Variants in RXFP4 observed in about 807,000 individuals in gnomAD.
RXFP4 encodes relaxin-3 receptor 2.
For missense variants in RXFP4, 425 were observed against 491.3 expected (o/e 0.87, Z 1.28); for synonymous variants, 182 against 218.0 (o/e 0.83, Z 1.45).
In RXFP4 at chr1:155,941,885, C is replaced by T. The variant is rs200985925; in HGVS notation, c.176C>T (p.Ala59Val). 6 of 1,614,034 alleles carry T rather than the reference C, an allele frequency of 3.7e-6. No individual in the cohort carries two copies. The highest frequency in any genetic ancestry group is 1.3e-5 in the African/African-American group (1 of 74,918). Residue 59 changes from alanine to valine, a missense_variant, in exon 1 of 1, where the codon GCG (alanine) becomes GTG (valine). Coordinates refer to ENST00000368318, the MANE Select transcript of RXFP4 (RefSeq NM_181885.3). ...VGAIGLLGNL[A>V]VLWVLSNCAR... ...GCCATTGGCTTGCTGGGAAATTTGG[C>T]GGTGCTGTGGGTACTGAGTAACTGT...
In RXFP4 at chr1:155,942,493, A is replaced by C; in HGVS notation, c.784A>C (p.Asn262His). The change falls in exon 1 of 1, where the codon AAC becomes CAC. Residue 262 changes from asparagine (N) to histidine (H), a missense_variant. Transcript: ENST00000368318. This position sits in a 1 kb window ranked among gnomAD's most constrained non-coding sequence, Gnocchi z 5.2. Reference protein sequence around the residue: ...VASFFLCWFPNHVVTLWGVLV... With the variant: ...VASFFLCWFPHHVVTLWGVLV... ...TTCCTTCTTCCTCTGCTGGTTTCCCAACCATGTGGTCACTCTCTGGGGTGT... is the reference window on the plus strand; with the variant it reads ...TTCCTTCTTCCTCTGCTGGTTTCCCCACCATGTGGTCACTCTCTGGGGTGT... 6.2e-7 allele frequency: 1 copy of C among 1,610,990 alleles called. No homozygotes were observed. Among genetic ancestry groups the C allele is most frequent in the Non-Finnish European group, 8.5e-7 (1 of 1,177,912 alleles).
chr1:155,942,554 CT>C lies in RXFP4; in HGVS notation c.848del (p.Phe283SerfsTer30). 6.2e-7 allele frequency: 1 copy of C among 1,614,212 alleles called. No individual in the cohort carries two copies. The highest frequency in any genetic ancestry group is 8.5e-7 in the Non-Finnish European group (1 of 1,180,016). On this transcript the variant is annotated frameshift_variant, in exon 1 of 1. Coordinates refer to ENST00000368318, the MANE Select transcript of RXFP4 (RefSeq NM_181885.3). LOFTEE classifies it low-confidence loss of function (END_TRUNC). This position sits in a 1 kb window ranked among gnomAD's most constrained non-coding sequence, Gnocchi z 5.2. ...TTTGACCTGGTGCCCTGGAACAGTA[CT>C]TTCTATACTATCCAGACGTATGTCT... ...VKFDLVPWNS[T>X]FYTIQTYVFP...
Position 155,942,847 on chromosome 1 carries a change from G to A in RXFP4, c.*13G>A. 1 of 1,496,696 alleles carries A rather than the reference G, an allele frequency of 6.7e-7. No homozygotes were observed. The highest frequency in any genetic ancestry group is 8.9e-7 in the Non-Finnish European group (1 of 1,129,714). 92.7% of individuals were successfully genotyped at this position (1,496,696 alleles called of 1,614,324 possible). On this transcript the variant is annotated 3_prime_UTR_variant, in exon 1 of 1. Transcript: ENST00000368318. The surrounding 1 kb of genome is among the most constrained non-coding windows in gnomAD (Gnocchi z 5.2). ...GACACCCGGGTGAAGGGCGCAAGCT[G>A]AACACACTCCTCTTTCTGAGATCCA... is the stretch of plus-strand genomic sequence containing the variant.
chr1:155,942,336 G>A lies in RXFP4; in HGVS notation c.627G>A (p.Val209=), dbSNP rs898974185. The stretch of plus-strand genomic sequence containing the variant: ...TGGGGGCCTACCAGCTGCAGAGGGT[G>A]GTGCTGGCTTTCATGGTGCCCTTGG... ...YWLGAYQLQR[V]VLAFMVPLGV... Residue 209 remains valine (V), a synonymous_variant, in exon 1 of 1, where the codon GTG becomes GTA. Coordinates refer to ENST00000368318, the MANE Select transcript of RXFP4 (RefSeq NM_181885.3). The surrounding 1 kb of genome is among the most constrained non-coding windows in gnomAD (Gnocchi z 5.2). The A allele has an allele frequency of 2.6e-6, 4 of 1,563,980 alleles. No individual in the cohort carries two copies. In the African/African-American group the frequency reaches 4.1e-5, roughly 16 times the overall value.
At position 155,942,910 on chromosome 1, in the gene RXFP4, CCT is replaced by C. The variant is rs1674343162; in HGVS notation, c.*81_*82del. 7.3e-7 allele frequency: 1 copy of C among 1,378,818 alleles called. No homozygotes were observed. The highest frequency in any genetic ancestry group is 9.6e-7 in the Non-Finnish European group (1 of 1,046,368). 85.4% of individuals were successfully genotyped at this position (1,378,818 alleles called of 1,614,324 possible). ...TCCTTGAGTCCTGGGGAGAAGCTGC[CCT>C]CTCTGCCAGGCTGCAGTGCCCTCAG... On this transcript the variant is annotated 3_prime_UTR_variant, in exon 1 of 1. Coordinates refer to ENST00000368318, the MANE Select transcript of RXFP4 (RefSeq NM_181885.3). This position sits in a 1 kb window ranked among gnomAD's most constrained non-coding sequence, Gnocchi z 5.2.
rs1375686128 is a variant in RXFP4 at position 155,942,815 on chromosome 1, A to C, written c.1106A>C (p.Asp369Ala). 1 of 1,516,976 alleles carries C rather than the reference A, an allele frequency of 6.6e-7. No homozygotes were observed. Among genetic ancestry groups the C allele is most frequent in the East Asian group, 2.3e-5 (1 of 44,076 alleles). The allele number at this position is 1,516,976 out of a possible 1,614,324, so 94.0% of individuals were successfully genotyped here. The change falls in exon 1 of 1, where the codon GAC becomes GCC. Residue 369 changes from aspartate to alanine, a missense_variant. Asp to Ala is a moderately radical substitution (Grantham distance 126). Transcript: ENST00000368318. The surrounding 1 kb of genome is among the most constrained non-coding windows in gnomAD (Gnocchi z 5.2). ...CCTTCTACCCTGCTCACCAACCTGGACAGAGGGACACCCGGGTGAAGGGCG... is the reference window on the plus strand; with the variant it reads ...CCTTCTACCCTGCTCACCAACCTGGCCAGAGGGACACCCGGGTGAAGGGCG... ...SRPSTLLTNL[D>A]RGTPG
rs556908637 is a variant in RXFP4 at position 155,942,421 on chromosome 1, C to T, written c.712C>T (p.Arg238Trp). The T allele has an allele frequency of 4.5e-6, 7 of 1,556,446 alleles. No homozygotes were observed. The highest frequency in any genetic ancestry group is 4.1e-5 in the African/African-American group (3 of 73,666). The change falls in exon 1 of 1, where the codon CGG (arginine) becomes TGG (tryptophan). Residue 238 changes from arginine (R) to tryptophan (W), a missense_variant. Physicochemically the swap from Arg to Trp is moderately radical, Grantham distance 101 (BLOSUM62 -3). Coordinates refer to ENST00000368318, the MANE Select transcript of RXFP4 (RefSeq NM_181885.3). This position sits in a 1 kb window ranked among gnomAD's most constrained non-coding sequence, Gnocchi z 5.2. Reference protein sequence around the residue: ...LAFLQRRQRRRQDSRVVARSV... With the variant: ...LAFLQRRQRRWQDSRVVARSV... Reference sequence around the variant, plus strand: ...CTTCCTGCAGCGGCGGCAACGGCGGCGGCAGGACAGCAGGGTCGTGGCCCG... The same window carrying T: ...CTTCCTGCAGCGGCGGCAACGGCGGTGGCAGGACAGCAGGGTCGTGGCCCG...
At position 155,942,787 on chromosome 1, in the gene RXFP4, C is replaced by G; in HGVS notation, c.1078C>G (p.Arg360Gly). ...RWVASNPRES[R>G]PSTLLTNLDR... ...GGTCGCAAGCAACCCCCGGGAGAGC[C>G]GCCCTTCTACCCTGCTCACCAACCT... Residue 360 changes from arginine (R) to glycine (G), a missense_variant, in exon 1 of 1, where the codon CGC becomes GGC. Coordinates refer to ENST00000368318, the MANE Select transcript of RXFP4 (RefSeq NM_181885.3). This position sits in a 1 kb window ranked among gnomAD's most constrained non-coding sequence, Gnocchi z 5.2. 6.4e-7 allele frequency: 1 copy of G among 1,558,986 alleles called. No individual in the cohort carries two copies. The highest frequency in any genetic ancestry group is 1.8e-5 in the Admixed American group (1 of 56,998).
In RXFP4 at chr1:155,942,862, T is replaced by C; in HGVS notation, c.*28T>C. The C allele has an allele frequency of 1.3e-6, 2 of 1,490,012 alleles. No individual in the cohort carries two copies. Among genetic ancestry groups the C allele is most frequent in the East Asian group, 2.3e-5 (1 of 43,456 alleles). The allele number at this position is 1,490,012 out of a possible 1,614,324, so 92.3% of individuals were successfully genotyped here. A position where few individuals can be genotyped will look rare whatever the true frequency, so the allele number is the denominator to read the frequency against. On this transcript the variant is annotated 3_prime_UTR_variant, in exon 1 of 1. Transcript: ENST00000368318. This position sits in a 1 kb window ranked among gnomAD's most constrained non-coding sequence, Gnocchi z 5.2. ...GGCGCAAGCTGAACACACTCCTCTT[T>C]CTGAGATCCACCAAGTGTAGGATCC...
At position 155,942,654 on chromosome 1, in the gene RXFP4, G is replaced by T; in HGVS notation, c.945G>T (p.Glu315Asp). The T allele has an allele frequency of 6.2e-7, 1 of 1,613,950 alleles. No individual in the cohort carries two copies. The highest frequency in any genetic ancestry group is 8.5e-7 in the Non-Finnish European group (1 of 1,179,992). The change falls in exon 1 of 1, where the codon GAG becomes GAT. Residue 315 changes from glutamate (E) to aspartate (D), a missense_variant. By Grantham distance (45) the Glu-to-Asp change is conservative. Coordinates refer to ENST00000368318, the MANE Select transcript of RXFP4 (RefSeq NM_181885.3). This position sits in a 1 kb window ranked among gnomAD's most constrained non-coding sequence, Gnocchi z 5.2. ...TGCTGTACTGTCTCCTGAGGCGGGA[G>T]CCCCGGCAGGCTCTGGCAGGCACCT... ...NPVLYCLLRR[E>D]PRQALAGTFR...
rs146210789 is a variant in RXFP4 at position 155,942,127 on chromosome 1, T to C, written c.418T>C (p.Tyr140His). ...FLITALSVAR[Y>H]WVVAMAAGPG... ...CATCACAGCGCTGAGCGTTGCTCGC[T>C]ACTGGGTGGTGGCCATGGCTGCGGG... Residue 140 changes from tyrosine to histidine, a missense_variant, in exon 1 of 1, where the codon TAC becomes CAC. Physicochemically the swap from Tyr to His is moderately conservative, Grantham distance 83. Transcript: ENST00000368318. The surrounding 1 kb of genome is among the most constrained non-coding windows in gnomAD (Gnocchi z 5.2). The C allele has an allele frequency of 4.0e-5, 64 of 1,613,464 alleles. No homozygotes were observed. The highest frequency in any genetic ancestry group is 4.7e-5 in the Non-Finnish European group (56 of 1,179,980).
Position 155,941,984 on chromosome 1 carries a change from TCA to T in RXFP4, c.277_278del (p.Thr93SerfsTer91), listed in dbSNP as rs1358689870. The T allele has an allele frequency of 5.6e-6, 9 of 1,613,902 alleles. No homozygotes were observed. The highest frequency in any genetic ancestry group is 7.6e-6 in the Non-Finnish European group (9 of 1,180,046). ...GCTCTGGCGGACCTGGGACTGGCAC[TCA>T]CTCTCCCCTTTTGGGCAGCCGAGTC... On this transcript the variant is annotated frameshift_variant, in exon 1 of 1. Transcript: ENST00000368318. LOFTEE classifies it low-confidence loss of function (END_TRUNC).
In RXFP4 at chr1:155,941,934, T is replaced by C; in HGVS notation, c.225T>C (p.Pro75=). Residue 75 remains proline (P), a synonymous_variant, in exon 1 of 1, where the codon CCT becomes CCC. Coordinates refer to ENST00000368318, the MANE Select transcript of RXFP4 (RefSeq NM_181885.3). ...GTGCCCGGAGAGCCCCTGGCCCACCTTCAGACACCTTCGTCTTCAACCTGG... is the reference window on the plus strand; with the variant it reads ...GTGCCCGGAGAGCCCCTGGCCCACCCTCAGACACCTTCGTCTTCAACCTGG... The part of the protein sequence containing the change: ...SNCARRAPGP[P]SDTFVFNLAL... The C allele has an allele frequency of 6.2e-7, 1 of 1,614,210 alleles. No homozygotes were observed. Among genetic ancestry groups the C allele is most frequent in the Middle Eastern group, 1.6e-4 (1 of 6,062 alleles).
chr1:155,942,797 C>G lies in RXFP4; in HGVS notation c.1088C>G (p.Thr363Ser), dbSNP rs1360065854. Residue 363 changes from threonine to serine, a missense_variant, in exon 1 of 1, where the codon ACC becomes AGC. Thr to Ser is a moderately conservative substitution (Grantham distance 58). Transcript: ENST00000368318. The surrounding 1 kb of genome is among the most constrained non-coding windows in gnomAD (Gnocchi z 5.2). Reference protein sequence around the residue: ...ASNPRESRPSTLLTNLDRGTP... With the variant: ...ASNPRESRPSSLLTNLDRGTP... ...AACCCCCGGGAGAGCCGCCCTTCTA[C>G]CCTGCTCACCAACCTGGACAGAGGG... The G allele has an allele frequency of 6.5e-7, 1 of 1,542,900 alleles. No individual in the cohort carries two copies. The highest frequency in any genetic ancestry group is 2.3e-5 in the East Asian group (1 of 44,414).
chr1:155,941,857 G>T lies in RXFP4; in HGVS notation c.148G>T (p.Gly50Trp). 1 of 1,614,220 alleles carries T rather than the reference G, an allele frequency of 6.2e-7. No homozygotes were observed. The highest frequency in any genetic ancestry group is 8.5e-7 in the Non-Finnish European group (1 of 1,180,042). Residue 50 changes from glycine (G) to tryptophan (W), a missense_variant, in exon 1 of 1, where the codon GGG becomes TGG. Physicochemically the swap from Gly to Trp is radical, Grantham distance 184. Coordinates refer to ENST00000368318, the MANE Select transcript of RXFP4 (RefSeq NM_181885.3). ...GGTTGCCCTGGCCTATGGGCTTGTG[G>T]GGGCCATTGGCTTGCTGGGAAATTT... ...LMVALAYGLV[G>W]AIGLLGNLAV...
At position 155,942,610 on chromosome 1, in the gene RXFP4, A is replaced by G; in HGVS notation, c.901A>G (p.Asn301Asp). 6.2e-7 allele frequency: 1 copy of G among 1,614,188 alleles called. No individual in the cohort carries two copies. The highest frequency in any genetic ancestry group is 1.3e-5 in the African/African-American group (1 of 75,052). The part of the protein sequence containing the change: ...FPVTTCLAHS[N>D]SCLNPVLYCL... ...TGTCACTACTTGCTTGGCACACAGC[A>G]ATAGCTGCCTCAACCCTGTGCTGTA... The change falls in exon 1 of 1, where the codon AAT (asparagine) becomes GAT (aspartate). Residue 301 changes from asparagine (N) to aspartate (D), a missense_variant. Asn to Asp is a conservative substitution (Grantham distance 23). Transcript: ENST00000368318. This position sits in a 1 kb window ranked among gnomAD's most constrained non-coding sequence, Gnocchi z 5.2.
chr1:155,943,031 T>G lies in RXFP4; in HGVS notation c.*197T>G. Reference sequence around the variant, plus strand: ...GCTGGATGTGACAAAGCTTAAGTCTTTATTTGGAGATGGGAAAGAAGAGGA... The same window carrying G: ...GCTGGATGTGACAAAGCTTAAGTCTGTATTTGGAGATGGGAAAGAAGAGGA... On this transcript the variant is annotated 3_prime_UTR_variant, in exon 1 of 1. Transcript: ENST00000368318. The G allele has an allele frequency of 2.1e-6, 1 of 467,788 alleles. No individual in the cohort carries two copies. Among genetic ancestry groups the G allele is most frequent in the Non-Finnish European group, 3.7e-6 (1 of 269,896 alleles). The allele number at this position is 467,788 out of a possible 1,614,324, so 29.0% of individuals were successfully genotyped here.
At position 155,941,998 on chromosome 1, in the gene RXFP4, T is replaced by C. The variant is rs766529074; in HGVS notation, c.289T>C (p.Trp97Arg). ...DLGLALTLPF[W>R]AAESALDFHW... ...GGGACTGGCACTCACTCTCCCCTTTTGGGCAGCCGAGTCGGCACTGGACTT... is the reference window on the plus strand; with the variant it reads ...GGGACTGGCACTCACTCTCCCCTTTCGGGCAGCCGAGTCGGCACTGGACTT... The change falls in exon 1 of 1, where the codon TGG (tryptophan) becomes CGG (arginine). Residue 97 changes from tryptophan (W) to arginine (R), a missense_variant. Transcript: ENST00000368318. The C allele has an allele frequency of 1.2e-6, 2 of 1,613,656 alleles. No individual in the cohort carries two copies. Among genetic ancestry groups the C allele is most frequent in the Non-Finnish European group, 1.7e-6 (2 of 1,180,036 alleles).
chr1:155,942,365 T>C lies in RXFP4; in HGVS notation c.656T>C (p.Val219Ala). The C allele has an allele frequency of 6.4e-7, 1 of 1,553,870 alleles. No individual in the cohort carries two copies. Among genetic ancestry groups the C allele is most frequent in the South Asian group, 1.2e-5 (1 of 81,216 alleles). The change falls in exon 1 of 1, where the codon GTC (valine) becomes GCC (alanine). Residue 219 changes from valine (V) to alanine (A), a missense_variant. Val to Ala is a moderately conservative substitution (Grantham distance 64). Coordinates refer to ENST00000368318, the MANE Select transcript of RXFP4 (RefSeq NM_181885.3). The surrounding 1 kb of genome is among the most constrained non-coding windows in gnomAD (Gnocchi z 5.2). ...CTGGCTTTCATGGTGCCCTTGGGCG[T>C]CATCACCACCAGCTACCTGCTGCTG... is the stretch of plus-strand genomic sequence containing the variant. Reference protein sequence around the residue: ...VVLAFMVPLGVITTSYLLLLA... With the variant: ...VVLAFMVPLGAITTSYLLLLA...
Sources: allele counts gnomAD v4.1 joint callset, GRCh38; gene constraint gnomAD v4.1.1; non-coding constraint Gnocchi (gnomAD v3.1); transcripts MANE v1.5; gene names NCBI Gene and HGNC (gene_info 2026-07-23, HGNC 2026-07-21).